LIPJ: variants seen among roughly 807,000 people sequenced by gnomAD.
The protein encoded by LIPJ is lipase family member J, also known as lipase member J.
In LIPJ, 33 loss-of-function variants were observed where a neutral mutation model predicts 39.8. The ratio of observed to expected loss-of-function variants is 0.83; its 90% CI spans 0.63 to 1.11. The LOEUF (loss-of-function observed/expected upper bound fraction) is 1.11, where lower values mean the gene tolerates loss of function less well. Ranked by LOEUF, LIPJ falls within the 50% of genes least tolerant of loss-of-function variation. LIPJ has a pLI of 0.00. For missense variants in LIPJ, 422 were observed against 427.9 expected, an observed-to-expected ratio of 0.99 and a Z score of 0.12; for synonymous variants, 128 against 139.2, an observed-to-expected ratio of 0.92 and a Z score of 0.57.
At chr10:88,595,969 C>A (rs952019345) in intron 6 of LIPJ, among the ~76,000 whole-genome samples, 2 of 151,398 alleles carry the variant, frequency 1.3e-5, no homozygotes, top group Non-Finnish European at 3.0e-5. Context: ...TCATTTTCAC[C>A]ACTGCAAGTT....
intron 3 of LIPJ, 52 bp downstream of exon 3, chr10:88,590,748 TTTTCAAA>T: frequency 6.9e-7 from 1 of 1,452,994 alleles, no homozygotes; most frequent in Non-Finnish European, 9.6e-7. Flanking sequence ...AGAATGCTAC[TTTTCAAA>T]TTTGGAATTT....
chr10:88,588,742 A>G (rs946083690), intron 2 of LIPJ, among the ~76,000 whole-genome samples: 1 of 151,960 alleles, frequency 6.6e-6, no homozygotes, highest in Non-Finnish European at 1.5e-5. Flanking sequence ...TTTAGCTTTC[A>G]TATTAAAATT....
intron 8 of LIPJ, among the ~76,000 whole-genome samples, chr10:88,602,144 T>G (rs534993830): frequency 4.9e-4 from 75 of 152,346 alleles, no homozygotes; most frequent in African/African-American, 1.8e-3. Context: ...GAATGAAACT[T>G]CACATTCTCC....
At chr10:88,615,083 A>G in the LIPJ span, among the ~76,000 whole-genome samples, 1 of 152,332 alleles carries the variant, frequency 6.6e-6, no homozygotes, top group South Asian at 2.1e-4. Flanking sequence ...GGAAAACATA[A>G]TATTTTCAAG....
In LIPJ at chr10:88,602,666, A is replaced by C. The variant is rs534743855; in HGVS notation, c.795+19A>C. 8 of 1,488,322 alleles carry C rather than the reference A, an allele frequency of 5.4e-6. No individual in the cohort carries two copies. Among genetic ancestry groups the C allele is most frequent in the Non-Finnish European group, 7.3e-6 (8 of 1,088,528 alleles). The allele number at this position is 1,488,322 out of a possible 1,614,324, so 92.2% of individuals were successfully genotyped here. ...GAGTCAGGTATAACTGCTAAAGTGC[A>C]TTTCCATACAATTTAATTCATGCTA... On this transcript the variant is annotated intron_variant, in intron 9 of 10. Transcript: ENST00000371939.
upstream of LIPJ, chr10:88,583,607 A>G (rs1590068172): frequency 1.0e-6 from 1 of 993,912 alleles, no homozygotes; most frequent in East Asian, 1.1e-4. Flanking sequence ...CTGTTTTACT[A>G]TTCTAGATTT....
chr10:88,622,633 G>A, the LIPJ span, among the ~76,000 whole-genome samples: 3 of 152,160 alleles, frequency 2.0e-5, no homozygotes, highest in Non-Finnish European at 4.4e-5. Context: ...AAAGCACTAA[G>A]GGGAGGATGC....
At chr10:88,602,026 C>A (rs1267534858) in intron 8 of LIPJ, among the ~76,000 whole-genome samples, 8 of 152,102 alleles carry the variant, frequency 5.3e-5, no homozygotes, top group Admixed American at 4.6e-4. Context: ...TTACCTTGGG[C>A]ACTATAGAAT....
At chr10:88,585,122 A>T (rs142084905), upstream of LIPJ, among the ~76,000 whole-genome samples, 1 of 152,180 alleles carries the variant, frequency 6.6e-6, no homozygotes, top group African/African-American at 2.4e-5. Flanking sequence ...TGGAAAGTAC[A>T]TTTGCAGTAA....
intron 2 of LIPJ, among the ~76,000 whole-genome samples, chr10:88,589,351 T>A (rs189258683): frequency 6.6e-6 from 1 of 152,016 alleles, no homozygotes; most frequent in East Asian, 1.9e-4. Context: ...AAGAGGAATA[T>A]CTAAATGTGA....
intron 8 of LIPJ, 22 bp from the exon 9 acceptor site, chr10:88,602,554 T>A: frequency 9.3e-7 from 1 of 1,071,108 alleles, no homozygotes; most frequent in African/African-American, 1.7e-5. Context: ...AAAATGCTTT[T>A]TTTTTTTTTT....
At position 88,596,491 on chromosome 10, in the gene LIPJ, C is replaced by T. The variant is rs890189977; in HGVS notation, c.576+75C>T. 2.2e-6 allele frequency: 3 copies of T among 1,384,998 alleles called. No individual in the cohort carries two copies. The Admixed American group carries it at 8.2e-5, about 38-fold the overall frequency. 85.8% of individuals were successfully genotyped at this position (1,384,998 alleles called of 1,614,324 possible). On this transcript the variant is annotated intron_variant, in intron 7 of 10. Coordinates refer to ENST00000371939, the Ensembl canonical transcript of LIPJ. ...TATGCTTTCAAATAAGAGATCTTGA[C>T]TATACGTAGACAACCACAAGTATGG...
intron 8 of LIPJ, among the ~76,000 whole-genome samples, chr10:88,599,242 A>T (rs957556059): frequency 6.6e-6 from 1 of 151,858 alleles, no homozygotes; most frequent in African/African-American, 2.4e-5. Flanking sequence ...AGTTTAACAC[A>T]TCTATCACCT....
upstream of LIPJ, chr10:88,583,247 G>C (rs1850767788): frequency 6.2e-7 from 1 of 1,600,260 alleles, no homozygotes; most frequent in Admixed American, 1.7e-5. Context: ...TTCGGCCCGG[G>C]CTTTCTGGAA....
At chr10:88,593,071 AG>A (rs758326697) in intron 4 of LIPJ, 13 of 151,964 alleles carry the variant, frequency 8.6e-5, no homozygotes, top group Non-Finnish European at 1.8e-4. Context: ...AAGATGACTC[AG>A]TGGATCTCCT....
chr10:88,598,193 A>C (rs1053525025), intron 8 of LIPJ, among the ~76,000 whole-genome samples: 2 of 151,986 alleles, frequency 1.3e-5, no homozygotes, highest in African/African-American at 4.8e-5. Flanking sequence ...GAGCCTAGCA[A>C]GATCTGTGGA....
At chr10:88,612,657 T>C in the LIPJ span, among the ~76,000 whole-genome samples, 2 of 152,124 alleles carry the variant, frequency 1.3e-5, no homozygotes, top group African/African-American at 4.8e-5. Context: ...TATATAATGA[T>C]AAAAGGCCCA....
chr10:88,583,697 A>G (rs1271991488), upstream of LIPJ: 1 of 986,050 alleles, frequency 1.0e-6, no homozygotes, highest in Non-Finnish European at 1.2e-6. Flanking sequence ...TTAGCATAAT[A>G]GAAACATCTT....
At chr10:88,606,686 T>G in exon 11 of LIPJ, 1 of 1,609,246 alleles carries the variant, frequency 6.2e-7, no homozygotes, top group Non-Finnish European at 8.5e-7. Context: ...AACGTCTCCA[T>G]TATACAACAT....
Sources: allele counts gnomAD v4.1 joint callset (sites outside exome capture counted in the v4.1 genomes callset), GRCh38; gene constraint gnomAD v4.1.1; transcripts MANE v1.5; gene names NCBI Gene and HGNC (gene_info 2026-07-23, HGNC 2026-07-21).